ZC2HC1A: variants seen among roughly 807,000 people sequenced by gnomAD.
ZC2HC1A encodes zinc finger C2HC domain-containing protein 1A.
Under a neutral mutation model 40.7 loss-of-function variants are expected in ZC2HC1A, and 28 were observed. That is an observed-to-expected ratio of 0.69 (90% confidence interval 0.51 to 0.94). The LOEUF is 0.94. Ranked by LOEUF, ZC2HC1A falls within the 40% of genes least tolerant of loss-of-function variation. ZC2HC1A has a pLI of 0.00. For missense variants in ZC2HC1A, 389 were observed against 386.3 expected (o/e 1.01, Z -0.06); for synonymous variants, 129 against 129.2 (o/e 1.00, Z 0.01).
At chr8:78,705,896 C>T (rs1433203613) in intron 7 of ZC2HC1A, among the ~76,000 whole-genome samples, 3 of 151,852 alleles carry the variant, frequency 2.0e-5, no homozygotes, top group Non-Finnish European at 4.4e-5. Flanking sequence ...GCTGGGTTAC[C>T]ACTTTCGTCC....
Position 78,689,305 on chromosome 8 carries a change from G to A in ZC2HC1A, c.436G>A (p.Ala146Thr), listed in dbSNP as rs1810129345. The A allele has an allele frequency of 1.2e-6, 2 of 1,602,880 alleles. No individual in the cohort carries two copies. The highest frequency in any genetic ancestry group is 2.3e-5 in the East Asian group (1 of 44,070). ...RHINFCKEQA[A>T]RISNKGKFST... ...TATAAATTTCTGTAAAGAACAGGCA[G>A]CACGTATTAGTAATAAAGGGAAATT... The change falls in exon 5 of 9, where the codon GCA (alanine) becomes ACA (threonine). Residue 146 changes from alanine (A) to threonine (T), a missense_variant. Transcript: ENST00000263849.
chr8:78,693,929 C>A (rs909912149), intron 5 of ZC2HC1A, among the ~76,000 whole-genome samples: 2 of 152,136 alleles, frequency 1.3e-5, no homozygotes, highest in African/African-American at 4.8e-5. Flanking sequence ...AGGAAGGGAT[C>A]CAGTTTCAGC....
intron 1 of ZC2HC1A, among the ~76,000 whole-genome samples, chr8:78,667,634 G>A (rs1019887243): frequency 2.6e-5 from 4 of 151,972 alleles, no homozygotes; most frequent in Admixed American, 2.0e-4. Context: ...CACAAAGTAG[G>A]TACTCAATAA....
chr8:78,698,143 G>A (rs1010059451), intron 6 of ZC2HC1A, among the ~76,000 whole-genome samples: 36 of 152,166 alleles, frequency 2.4e-4, no homozygotes, highest in African/African-American at 7.5e-4. Context: ...GCAATTGTTC[G>A]TAGTAGTCAA....
chr8:78,702,353 C>T (rs987168048), intron 7 of ZC2HC1A, among the ~76,000 whole-genome samples: 1 of 151,896 alleles, frequency 6.6e-6, no homozygotes, highest in Non-Finnish European at 1.5e-5. Flanking sequence ...TTTGAATATT[C>T]TCTATTTTCT....
At chr8:78,681,021 A>G (rs1809760106) in intron 3 of ZC2HC1A, among the ~76,000 whole-genome samples, 1 of 152,084 alleles carries the variant, frequency 6.6e-6, no homozygotes, top group African/African-American at 2.4e-5. Flanking sequence ...CTTAGAAAAC[A>G]TTAGTGAAAA....
intron 8 of ZC2HC1A, among the ~76,000 whole-genome samples, chr8:78,716,207 G>C (rs1371204470): frequency 2.0e-5 from 3 of 150,580 alleles, no homozygotes; most frequent in Admixed American, 6.6e-5. Flanking sequence ...ACTGCAAGCT[G>C]TGCCTCCCAG....
At chr8:78,675,692 A>G in intron 1 of ZC2HC1A, 95 bp from the exon 2 acceptor site, 1 of 1,164,846 alleles carries the variant, frequency 8.6e-7, no homozygotes, top group Non-Finnish European at 1.2e-6. Context: ...ACAAAAACTG[A>G]TAATTTACCT....
chr8:78,684,836 T>G (rs1809911839), intron 3 of ZC2HC1A, among the ~76,000 whole-genome samples: 1 of 152,276 alleles, frequency 6.6e-6, no homozygotes, highest in South Asian at 2.1e-4. Flanking sequence ...AAAAAAATAC[T>G]ACTGAAAGAT....
In ZC2HC1A at chr8:78,678,505, T is replaced by C. The variant is rs1277256860; in HGVS notation, c.94-58T>C. 5.2e-6 allele frequency: 7 copies of C among 1,358,302 alleles called. No individual in the cohort carries two copies. The Admixed American group carries it at 1.3e-4, about 25-fold the overall frequency. 84.1% of individuals were successfully genotyped at this position (1,358,302 alleles called of 1,614,324 possible). A position where few individuals can be genotyped will look rare whatever the true frequency, so the allele number is the denominator to read the frequency against. On this transcript the variant is annotated intron_variant, in intron 2 of 8. Transcript: ENST00000263849. ...ACTGGTCTCAATGTAAATAAAGTTC[T>C]GTAGTCTTACCTTCTGTAGAAAAGA... is the stretch of plus-strand genomic sequence containing the variant.
intron 7 of ZC2HC1A, among the ~76,000 whole-genome samples, chr8:78,704,406 A>AG (rs1810704021): frequency 6.6e-6 from 1 of 151,020 alleles, no homozygotes; most frequent in African/African-American, 2.4e-5. Flanking sequence ...AAAAAAAAAA[A>AG]GAATGTTAAA....
chr8:78,694,054 A>G (rs1586006744), intron 5 of ZC2HC1A, among the ~76,000 whole-genome samples: 1 of 152,208 alleles, frequency 6.6e-6, no homozygotes, highest in African/African-American at 2.4e-5. Flanking sequence ...GATGTGTGAC[A>G]TTATTTCTGA....
chr8:78,673,237 A>G (rs1440042566), intron 1 of ZC2HC1A, among the ~76,000 whole-genome samples: 2 of 152,160 alleles, frequency 1.3e-5, no homozygotes, highest in Admixed American at 1.3e-4. Context: ...CCTGCAAAGG[A>G]CATGAACTCA....
chr8:78,693,208 T>C (rs976461241), intron 5 of ZC2HC1A, among the ~76,000 whole-genome samples: 1 of 152,192 alleles, frequency 6.6e-6, no homozygotes, highest in African/African-American at 2.4e-5. Context: ...TTATGTGTCT[T>C]TATAGCAGCA....
chr8:78,693,527 C>G (rs1250951003), intron 5 of ZC2HC1A, among the ~76,000 whole-genome samples: 1 of 152,106 alleles, frequency 6.6e-6, no homozygotes, highest in Non-Finnish European at 1.5e-5. Flanking sequence ...GCATAAATGT[C>G]TTCTTTTGAG....
intron 7 of ZC2HC1A, among the ~76,000 whole-genome samples, chr8:78,713,583 A>G (rs1811012521): frequency 6.6e-6 from 1 of 152,206 alleles, no homozygotes; most frequent in South Asian, 2.1e-4. Flanking sequence ...GGCTATACAC[A>G]AGAGTAGAGT....
rs1448460573 is a variant in ZC2HC1A at position 78,718,148 on chromosome 8, A to G, written c.*655A>G. Reference sequence around the variant, plus strand: ...CCTTTTCAAATACACAAGACTAAAAATACAAATCTATCTTGTTCTATTTAT... The same window carrying G: ...CCTTTTCAAATACACAAGACTAAAAGTACAAATCTATCTTGTTCTATTTAT... On this transcript the variant is annotated 3_prime_UTR_variant, in exon 9 of 9. Coordinates refer to ENST00000263849, the MANE Select transcript of ZC2HC1A (RefSeq NM_016010.3). 3 of 152,074 alleles carry G rather than the reference A, an allele frequency of 2.0e-5. No homozygotes were observed. Among genetic ancestry groups the G allele is most frequent in the Non-Finnish European group, 2.9e-5 (2 of 67,920 alleles). 9.4% of individuals were successfully genotyped at this position (152,074 alleles called of 1,614,324 possible). A position where few individuals can be genotyped will look rare whatever the true frequency, so the allele number is the denominator to read the frequency against.
chr8:78,690,177 A>ACT (rs199830204), intron 5 of ZC2HC1A, among the ~76,000 whole-genome samples: 7,779 of 152,278 alleles, frequency 0.051, 276 homozygotes, highest in Middle Eastern at 0.082. Context: ...TCCTTTAGTC[A>ACT]ATACCGCATT....
Position 78,715,432 on chromosome 8 carries a change from C to G in ZC2HC1A, c.812+104C>G, listed in dbSNP as rs987003064. The G allele has an allele frequency of 3.7e-6, 4 of 1,089,284 alleles. No homozygotes were observed. The African/African-American group carries it at 6.5e-5, about 18-fold the overall frequency. 67.5% of individuals were successfully genotyped at this position (1,089,284 alleles called of 1,614,324 possible). ...AAGTAACAAGCTATTTATAGAAAAC[C>G]TGATTTTTTTCTTTTAATCTGGCTT... is the stretch of plus-strand genomic sequence containing the variant. On this transcript the variant is annotated intron_variant, in intron 8 of 8. Transcript: ENST00000263849.
Sources: allele counts gnomAD v4.1 joint callset (sites outside exome capture counted in the v4.1 genomes callset), GRCh38; gene constraint gnomAD v4.1.1; transcripts MANE v1.5; gene names NCBI Gene and HGNC (gene_info 2026-07-23, HGNC 2026-07-21).